Variants in MSLN observed in about 807,000 individuals in gnomAD.
MSLN encodes the protein mesothelin.
In MSLN, 82 loss-of-function variants were observed where a neutral mutation model predicts 72.6. The observed-to-expected ratio is 1.13, with a 90% CI of 0.94 to 1.36. MSLN has a LOEUF of 1.36. Ranked by LOEUF, MSLN falls within the 40% of genes most tolerant of loss-of-function variation. The pLI, the probability that MSLN is intolerant of heterozygous loss-of-function variation, is 0.00. For missense variants in MSLN, 1,005 were observed against 847.9 expected, an observed-to-expected ratio of 1.19 and a Z score of -2.30; for synonymous variants, 456 against 387.3, an observed-to-expected ratio of 1.18 and a Z score of -2.08.
rs759590887 is a variant in MSLN, at chr16:768,766, T to C, written c.*33T>C. The stretch of plus-strand genomic sequence containing the variant: ...ACTCCCTTGCTGGCCCCAGCCCTGC[T>C]GGGGATCCCCGCCTGGCCAGGAGCA... On this transcript the variant is annotated 3_prime_UTR_variant, in exon 18 of 18. Coordinates refer to ENST00000545450, the MANE Select transcript of MSLN (RefSeq NM_005823.6). 6.2e-7 allele frequency: 1 copy of C among 1,602,910 alleles called. No homozygotes were observed.
intron 15 of MSLN, 145 bp downstream of exon 15, chr16:767,157 T>C: frequency 7.2e-7 from 1 of 1,387,518 alleles, no homozygotes; most frequent in South Asian, 1.3e-5. Flanking sequence ...CCGGGGTGTG[T>C]ATGGCCTTAG....
Position 768,631 on chromosome 16 carries a change from C to G in MSLN, c.1784-17C>G. 1 of 1,611,272 alleles carries G rather than the reference C, an allele frequency of 6.2e-7. No individual in the cohort carries two copies. Among genetic ancestry groups the G allele is most frequent in the Non-Finnish European group, 8.5e-7 (1 of 1,179,338 alleles). ...GGGCGTGGAGGTGGGCGCTCTGAGT[C>G]ACCCCTCTCTCTGTAGAGGCCCTCT... is the stretch of plus-strand genomic sequence containing the variant. On this transcript the variant is annotated splice_polypyrimidine_tract_variant and intron_variant, in intron 17 of 17. Transcript: ENST00000545450.
At position 766,207 on chromosome 16, in the gene MSLN, G is replaced by C; in HGVS notation, c.1044G>C (p.Gln348His). Reference sequence around the variant, plus strand: ...ACGCCATCCCCTTCACCTACGAGCAGCTGGACGTCCTAAAGCATAAACTGG... The same window carrying C: ...ACGCCATCCCCTTCACCTACGAGCACCTGGACGTCCTAAAGCATAAACTGG... Reference protein sequence around the residue: ...RVNAIPFTYEQLDVLKHKLDE... With the variant: ...RVNAIPFTYEHLDVLKHKLDE... The change falls in exon 12 of 18, where the codon CAG becomes CAC. Residue 348 changes from glutamine to histidine, a missense_variant. Transcript: ENST00000545450. 3 of 1,611,846 alleles carry C rather than the reference G, an allele frequency of 1.9e-6. No homozygotes were observed. The highest frequency in any genetic ancestry group is 2.5e-6 in the Non-Finnish European group (3 of 1,179,150).
intron 15 of MSLN, 33 bp from the exon 16 acceptor site, chr16:767,343 G>A (rs768038988): frequency 2.0e-5 from 32 of 1,583,070 alleles, no homozygotes; most frequent in African/African-American, 1.9e-4. Flanking sequence ...TGTGAGGTGA[G>A]GCCTCAGCTC....
Position 763,270 on chromosome 16 carries a change from AG to A in MSLN, c.126del (p.Gln43ArgfsTer35), listed in dbSNP as rs1314157671. On this transcript the variant is annotated frameshift_variant, in exon 4 of 18. Coordinates refer to ENST00000545450, the MANE Select transcript of MSLN (RefSeq NM_005823.6). LOFTEE classifies it high-confidence loss of function. ...QPSRTLAGETGQEAAPLDGVL... is the reference protein window; with the variant it reads ...QPSRTLAGETXQEAAPLDGVL... ...CCTCGAGGACCCTGGCTGGAGAGAC[AG>A]GGCAGGTAAGGTCCCCTCTGGGGAA... 2 of 1,540,832 alleles carry A rather than the reference AG, an allele frequency of 1.3e-6. No individual in the cohort carries two copies. Among genetic ancestry groups the A allele is most frequent in the Middle Eastern group, 1.7e-4 (1 of 5,946 alleles).
chr16:764,852 A>G (rs1030979812), intron 7 of MSLN, 55 bp from the exon 8 acceptor site: 8 of 1,599,330 alleles, frequency 5.0e-6, no homozygotes, highest in Non-Finnish European at 5.1e-6. Context: ...GCTGCCTCTC[A>G]GGGTGGGGAC....
At chr16:767,307 G>T (rs186810596) in intron 15 of MSLN, 69 bp from the exon 16 acceptor site, 31 of 1,418,338 alleles carry the variant, frequency 2.2e-5, no homozygotes, top group Non-Finnish European at 3.0e-5. Context: ...TGGGCTTCCT[G>T]CAGCCTGTGG....
intron 2 of MSLN, among the ~76,000 whole-genome samples, chr16:761,886 C>G (rs2041540703): frequency 6.6e-6 from 1 of 152,240 alleles, no homozygotes; most frequent in Admixed American, 6.5e-5. Context: ...CAGCTCTATT[C>G]TACTCCGCCA....
rs768490001 is a variant in MSLN at position 765,764 on chromosome 16, G to A, written c.869G>A (p.Arg290Gln). 8.1e-6 allele frequency: 13 copies of A among 1,600,138 alleles called. No homozygotes were observed. The Admixed American group carries it at 8.3e-5, about 10-fold the overall frequency. ...CGGCAGCCTGAACGGACCATCCTCCGGCCGCGGTTCCGGCGGGAAGTGGAG... is the reference window on the plus strand; with the variant it reads ...CGGCAGCCTGAACGGACCATCCTCCAGCCGCGGTTCCGGCGGGAAGTGGAG... ...SWRQPERTIL[R>Q]PRFRREVEKT... Residue 290 changes from arginine to glutamine, a missense_variant, in exon 11 of 18, where the codon CGG (arginine) becomes CAG (glutamine). By Grantham distance (43) the Arg-to-Gln change is conservative. Transcript: ENST00000545450.
chr16:765,925 C>T, intron 11 of MSLN, 134 bp from the exon 12 acceptor site: 1 of 1,319,730 alleles, frequency 7.6e-7, no homozygotes, highest in Non-Finnish European at 1.0e-6. Context: ...TGGACAGAAT[C>T]CCTGTTTGCC....
chr16:764,184 G>A, intron 6 of MSLN, 41 bp downstream of exon 6: 1 of 1,585,214 alleles, frequency 6.3e-7, no homozygotes, highest in Non-Finnish European at 8.6e-7. Flanking sequence ...CACAGCTGGG[G>A]CTGAGGAATT....
At position 765,314 on chromosome 16, in the gene MSLN, G is replaced by A. The variant is rs200315012; in HGVS notation, c.704+11G>A. 2.6e-5 allele frequency: 40 copies of A among 1,557,702 alleles called. No homozygotes were observed. In the Admixed American group the frequency reaches 4.6e-4, roughly 18 times the overall value. ...GGGACCCCCCTACGGGTAAGTGAAGGTGTCTGGAACCTCGAAGGCTCACCT... is the reference window on the plus strand; with the variant it reads ...GGGACCCCCCTACGGGTAAGTGAAGATGTCTGGAACCTCGAAGGCTCACCT... On this transcript the variant is annotated intron_variant, in intron 9 of 17. Transcript: ENST00000545450.
In MSLN at chr16:763,798, C is replaced by CCCCCCCACCCCTCCCCCACCCCCA. The variant is rs1342605788; in HGVS notation, c.179+107_179+108insCCCCCCACCCCTCCCCCACCCCCA. The CCCCCCCACCCCTCCCCCACCCCCA allele has an allele frequency of 6.5e-5, 45 of 695,892 alleles. 1 individual carries two copies. Among genetic ancestry groups the CCCCCCCACCCCTCCCCCACCCCCA allele is most frequent in the Non-Finnish European group, 9.7e-5 (41 of 421,852 alleles). 43.1% of individuals were successfully genotyped at this position (695,892 alleles called of 1,614,324 possible). A position where few individuals can be genotyped will look rare whatever the true frequency, so the allele number is the denominator to read the frequency against. ...CCAGCATCCCCTCCCCCTTCCTCCT[C>CCCCCCCACCCCTCCCCCACCCCCA]TGCTCCACCTCAGATCTGACTGGGC... On this transcript the variant is annotated intron_variant, in intron 5 of 17. Coordinates refer to ENST00000545450, the MANE Select transcript of MSLN (RefSeq NM_005823.6).
In MSLN at chr16:762,747, T is replaced by C. The variant is rs772766556; in HGVS notation, c.67T>C (p.Phe23Leu). The C allele has an allele frequency of 1.9e-6, 3 of 1,597,114 alleles. No individual in the cohort carries two copies. Among genetic ancestry groups the C allele is most frequent in the African/African-American group, 1.3e-5 (1 of 74,306 alleles). Residue 23 changes from phenylalanine to leucine, a missense_variant, in exon 3 of 18, where the codon TTC (phenylalanine) becomes CTC (leucine). Transcript: ENST00000545450. ...CGTPALGSLL[F>L]LLFSLGWVQP... ...GACCCCCGCCCTCGGCAGCCTCCTG[T>C]TCCTGCTCTTCAGCCTCGGTGCGTA...
rs749650942 is a variant in MSLN at position 766,807 on chromosome 16, T to C, written c.1370T>C (p.Ile457Thr). 6.2e-7 allele frequency: 1 copy of C among 1,612,478 alleles called. No individual in the cohort carries two copies. The highest frequency in any genetic ancestry group is 1.7e-5 in the Admixed American group (1 of 60,020). The change falls in exon 14 of 18, where the codon ATC becomes ACC. Residue 457 changes from isoleucine to threonine, a missense_variant. Ile to Thr is a moderately conservative substitution (Grantham distance 89, BLOSUM62 -1). Transcript: ENST00000545450. ...EELSSVPPSSIWAVRPQDLDT... is the reference protein window; with the variant it reads ...EELSSVPPSSTWAVRPQDLDT... The stretch of plus-strand genomic sequence containing the variant: ...CTGAGCTCCGTGCCCCCCAGCAGCA[T>C]CTGGTGAGTCCCCAGAACTCTGCCC...
rs1478273071 is a variant in MSLN at position 768,584 on chromosome 16, CCAGGGCTGGGGG to C, written c.1783+23_1783+34del. On this transcript the variant is annotated intron_variant, in intron 17 of 17. Transcript: ENST00000545450. ...ATGCAAGGTGGGCGGGGCGGCCAGG[CCAGGGCTGGGGG>C]CAGAGCTGGGGGCGTGGAGGTGGGC... The C allele has an allele frequency of 5.6e-6, 9 of 1,608,674 alleles. No homozygotes were observed. The highest frequency in any genetic ancestry group is 2.2e-5 in the East Asian group (1 of 44,758).
At chr16:763,559 C>A in intron 4 of MSLN, 83 bp from the exon 5 acceptor site, 1 of 1,378,926 alleles carries the variant, frequency 7.3e-7, no homozygotes, top group Non-Finnish European at 9.9e-7. Context: ...TCGGGGAGTA[C>A]CTGGCCCAGG....
rs201316195 is a variant in MSLN, at chr16:766,315, C to T, written c.1075-20C>T. The T allele has an allele frequency of 2.5e-5, 40 of 1,612,416 alleles. No individual in the cohort carries two copies. The East Asian group carries it at 8.5e-4, about 34-fold the overall frequency. ...CCCCTCTGGGAGTGACATGGGCCCT[C>T]CTGGTCTCTTGGCCTGCAGCTCTAC... On this transcript the variant is annotated intron_variant, in intron 12 of 17. Coordinates refer to ENST00000545450, the MANE Select transcript of MSLN (RefSeq NM_005823.6).
In MSLN at chr16:764,033, C is replaced by T. The variant is rs371203105; in HGVS notation, c.190C>T (p.Arg64Cys). 1.6e-5 allele frequency: 25 copies of T among 1,601,692 alleles called. No individual in the cohort carries two copies. Among genetic ancestry groups the T allele is most frequent in the African/African-American group, 1.1e-4 (8 of 75,022 alleles). ...CGACCCTTCCTGCAGCCTCTCCCCT[C>T]GCCAACTCCTTGGCTTCCCGTGTGC... ...NPPNISSLSP[R>C]QLLGFPCAEV... The change falls in exon 6 of 18, where the codon CGC (arginine) becomes TGC (cysteine). Residue 64 changes from arginine (R) to cysteine (C), a missense_variant. By Grantham distance (180) the Arg-to-Cys change is radical (BLOSUM62 -3). Coordinates refer to ENST00000545450, the MANE Select transcript of MSLN (RefSeq NM_005823.6).
Sources: gnomAD v4.1 joint callset for allele counts (sites outside exome capture counted in the v4.1 genomes callset) on GRCh38, gnomAD v4.1.1 for gene constraint, MANE v1.5 for transcripts, NCBI Gene and HGNC (gene_info 2026-07-23, HGNC 2026-07-21) for gene names.